The following AK5 variants were observed in gnomAD, a reference collection of about 807,000 sequenced individuals.
AK5 encodes the protein adenylate kinase 5, also known as adenylate kinase isoenzyme 5.
Under a neutral mutation model 69.5 loss-of-function variants are expected in AK5, and 27 were observed. The observed-to-expected ratio is 0.39, with a 90% confidence interval of 0.29 to 0.54. The LOEUF (loss-of-function observed/expected upper bound fraction) is 0.54, where lower values mean the gene tolerates loss of function less well. AK5 is among the 20% of genes least tolerant of loss of function. AK5 has a pLI of 0.71. For missense variants in AK5, 531 were observed against 700.4 expected, an observed-to-expected ratio of 0.76 and a Z score of 2.73; for synonymous variants, 260 against 244.4, an observed-to-expected ratio of 1.06 and a Z score of -0.60.
intron 10 of AK5, among the ~76,000 whole-genome samples, chr1:77,499,538 A>C (rs1471306692): frequency 6.6e-6 from 1 of 152,062 alleles, no homozygotes; most frequent in Non-Finnish European, 1.5e-5. Flanking sequence ...GTTGCGTATG[A>C]CCCTGTTTGG....
chr1:77,286,846 CA>C, intron 1 of AK5, 94 bp from the exon 2 acceptor site: 5 of 843,184 alleles, frequency 5.9e-6, no homozygotes, highest in Non-Finnish European at 8.0e-6. Context: ...GACTCTATTT[CA>C]AAAAAATTAA....
intron 8 of AK5, among the ~76,000 whole-genome samples, chr1:77,434,107 C>CACAA (rs1304504569): frequency 0.014 from 1,983 of 143,576 alleles, 18 homozygotes; most frequent in East Asian, 0.018. Flanking sequence ...GAGTGCAAAG[C>CACAA]ATAAATAAAT....
At chr1:77,306,364 C>T in intron 5 of AK5, among the ~76,000 whole-genome samples, 1 of 152,144 alleles carries the variant, frequency 6.6e-6, no homozygotes, top group Middle Eastern at 3.4e-3. Context: ...TCATTCTATT[C>T]ATATGATGTA....
At chr1:77,410,753 T>C (rs1025294178) in intron 6 of AK5, among the ~76,000 whole-genome samples, 1 of 152,210 alleles carries the variant, frequency 6.6e-6, no homozygotes. Context: ...TATTACACTT[T>C]TTTTTAACCA....
intron 5 of AK5, among the ~76,000 whole-genome samples, chr1:77,320,447 G>A (rs922286106): frequency 6.6e-6 from 1 of 152,228 alleles, no homozygotes; most frequent in South Asian, 2.1e-4. Context: ...TGAAAGTAAA[G>A]GATTAAAAAG....
intron 12 of AK5, among the ~76,000 whole-genome samples, chr1:77,530,987 C>T (rs1251226317): frequency 6.6e-6 from 1 of 152,100 alleles, no homozygotes; most frequent in East Asian, 1.9e-4. Flanking sequence ...TGCCCTCATG[C>T]CCTGAGGGGT....
chr1:77,547,897 A>G (rs1011568600), intron 13 of AK5, among the ~76,000 whole-genome samples: 1 of 152,226 alleles, frequency 6.6e-6, no homozygotes. Flanking sequence ...AGGGGCTACC[A>G]TATTGCATAG....
intron 8 of AK5, among the ~76,000 whole-genome samples, chr1:77,447,997 T>C (rs1652855164): frequency 6.6e-6 from 1 of 152,188 alleles, no homozygotes; most frequent in Non-Finnish European, 1.5e-5. Context: ...CTAACCATTG[T>C]CCATCCAGGC....
At chr1:77,555,312 C>T (rs895830957) in intron 13 of AK5, among the ~76,000 whole-genome samples, 1 of 152,080 alleles carries the variant, frequency 6.6e-6, no homozygotes, top group Non-Finnish European at 1.5e-5. Flanking sequence ...ACAATTCTTA[C>T]GTGGTTCCTC....
At chr1:77,470,846 TA>T (rs1654424637) in intron 8 of AK5, among the ~76,000 whole-genome samples, 663 of 27,168 alleles carry the variant, frequency 0.024, 80 homozygotes, top group Middle Eastern at 0.088. Flanking sequence ...TATATATATA[TA>T]TATATATATA....
chr1:77,455,372 C>T (rs753138905), intron 8 of AK5, among the ~76,000 whole-genome samples: 5 of 152,194 alleles, frequency 3.3e-5, no homozygotes, highest in Non-Finnish European at 7.4e-5. Context: ...CCCCAGCTTG[C>T]CCCAGCAAGC....
At chr1:77,402,188 A>G (rs1470423382) in intron 6 of AK5, among the ~76,000 whole-genome samples, 2 of 152,004 alleles carry the variant, frequency 1.3e-5, no homozygotes, top group Non-Finnish European at 2.9e-5. Context: ...TATTCCTAGA[A>G]ACTCATCACT....
At chr1:77,395,589 T>G (rs1242081774) in intron 6 of AK5, among the ~76,000 whole-genome samples, 3 of 152,222 alleles carry the variant, frequency 2.0e-5, no homozygotes, top group Admixed American at 6.5e-5. Flanking sequence ...AAGAGGCTCT[T>G]CAGAGCCTGT....
intron 10 of AK5, among the ~76,000 whole-genome samples, chr1:77,487,378 AT>A (rs1378898243): frequency 6.9e-6 from 1 of 145,224 alleles, no homozygotes; most frequent in African/African-American, 2.6e-5. Flanking sequence ...TTAAAAATGC[AT>A]AAAAAAAGGA....
At chr1:77,365,416 T>C (rs1160411162) in intron 6 of AK5, among the ~76,000 whole-genome samples, 1 of 152,232 alleles carries the variant, frequency 6.6e-6, no homozygotes, top group Non-Finnish European at 1.5e-5. Flanking sequence ...GTTTGGGCAA[T>C]GTTATACTTT....
intron 5 of AK5, among the ~76,000 whole-genome samples, chr1:77,328,135 C>T (rs74962422): frequency 0.018 from 2,789 of 152,210 alleles, 84 homozygotes; most frequent in African/African-American, 0.063. Context: ...GAGGAAAAGA[C>T]ATCTTGGGGA....
intron 5 of AK5, among the ~76,000 whole-genome samples, chr1:77,325,195 C>G: frequency 7.0e-6 from 1 of 143,198 alleles, no homozygotes; most frequent in Non-Finnish European, 1.5e-5. Flanking sequence ...TATTTTTTGA[C>G]GGGGTTTCAC....
In AK5 at chr1:77,499,642, G is replaced by A. The variant is rs540306379; in HGVS notation, c.1147+13290G>A. On this transcript the variant is annotated intron_variant, in intron 10 of 13. Transcript: ENST00000354567. Reference sequence around the variant, plus strand: ...AAGTCCTCAGCATGGTCTGGGTGGAGCTGTTGAGGCAAGCACTGAGACTGC... The same window carrying A: ...AAGTCCTCAGCATGGTCTGGGTGGAACTGTTGAGGCAAGCACTGAGACTGC... Among the ~76,000 whole-genome samples, 5 of 152,242 alleles carry A rather than the reference G, an allele frequency of 3.3e-5. No homozygotes were observed. In the East Asian group the frequency reaches 9.7e-4, roughly 29 times the overall value.
intron 6 of AK5, among the ~76,000 whole-genome samples, chr1:77,367,471 C>A (rs1646971880): frequency 1.4e-5 from 2 of 143,646 alleles, no homozygotes; most frequent in Admixed American, 1.5e-4. Flanking sequence ...CATGCACCAC[C>A]ACACCTGGCT....
Sources: gnomAD v4.1 joint callset for allele counts (sites outside exome capture counted in the v4.1 genomes callset) on GRCh38, gnomAD v4.1.1 for gene constraint, MANE v1.5 for transcripts, NCBI Gene and HGNC (gene_info 2026-07-23, HGNC 2026-07-21) for gene names.